Variants in FMN1 observed in about 807,000 individuals in gnomAD.
The protein encoded by FMN1 is formin-1.
Under a neutral mutation model 132.4 loss-of-function variants are expected in FMN1, and 110 were observed. The ratio of observed to expected loss-of-function variants is 0.83; its 90% CI spans 0.71 to 0.97. FMN1 has a LOEUF of 0.97. FMN1 is among the 50% of genes least tolerant of loss of function. The pLI, the probability that FMN1 is intolerant of heterozygous loss-of-function variation, is 0.00. For synonymous variants in FMN1, 722 were observed against 651.7 expected (o/e 1.11, Z -1.64); for missense variants, 1,792 against 1,705.3 (o/e 1.05, Z -0.90).
intron 6 of FMN1, among the ~76,000 whole-genome samples, chr15:33,061,538 A>G (rs2037483575): frequency 6.6e-6 from 1 of 152,154 alleles, no homozygotes; most frequent in Non-Finnish European, 1.5e-5. Flanking sequence ...GTTACTAAAC[A>G]TTATCATTCC....
chr15:33,049,823 C>T lies in FMN1; in HGVS notation c.2161+15134G>A, dbSNP rs1026563844. On this transcript the variant is annotated intron_variant, in intron 6 of 20. Transcript: ENST00000616417. ...CTGTACTTCACTTATGTTTTCTGTA[C>T]GTCACTTTCCTTTTGCTGTCTATAA... 3.3e-5 allele frequency among the ~76,000 whole-genome samples: 5 copies of T among 152,164 alleles called. No homozygotes were observed. In the South Asian group the frequency reaches 6.2e-4, roughly 19 times the overall value.
At chr15:32,834,036 C>T (rs1379363812) in intron 17 of FMN1, among the ~76,000 whole-genome samples, 1 of 152,170 alleles carries the variant, frequency 6.6e-6, no homozygotes, top group Non-Finnish European at 1.5e-5. Context: ...TTCTCAGAAC[C>T]TCCTGGCATT....
At chr15:32,953,372 C>T (rs986610878) in intron 9 of FMN1, among the ~76,000 whole-genome samples, 34 of 152,292 alleles carry the variant, frequency 2.2e-4, no homozygotes, top group African/African-American at 7.9e-4. Flanking sequence ...CACAGGAAGC[C>T]TCCTGGGCTG....
At chr15:33,078,114 T>C (rs2038295529) in intron 5 of FMN1, among the ~76,000 whole-genome samples, 1 of 152,238 alleles carries the variant, frequency 6.6e-6, no homozygotes. Context: ...GAGATATTAC[T>C]AGTCACACAC....
At chr15:32,894,117 A>ATT (rs1003710814) in intron 15 of FMN1, among the ~76,000 whole-genome samples, 4 of 152,168 alleles carry the variant, frequency 2.6e-5, no homozygotes, top group Non-Finnish European at 5.9e-5. Context: ...GATGCCACTT[A>ATT]TTACACGTTT....
At chr15:33,172,094 G>T (rs1965346432) in intron 3 of FMN1, among the ~76,000 whole-genome samples, 2 of 152,040 alleles carry the variant, frequency 1.3e-5, no homozygotes, top group African/African-American at 4.8e-5. Flanking sequence ...TGTGGTCCCA[G>T]CTACTCCGGA....
In FMN1 at chr15:32,766,734, T is replaced by A. The variant is rs1567132214; in HGVS notation, c.*7576A>T. On this transcript the variant is annotated 3_prime_UTR_variant, in exon 21 of 21. Transcript: ENST00000616417. Reference sequence around the variant, plus strand: ...CGGCTGAGGAACGGAGCACAGGGTGTGAGAGGATGGAGGAGGGGCCAAGGG... The same window carrying A: ...CGGCTGAGGAACGGAGCACAGGGTGAGAGAGGATGGAGGAGGGGCCAAGGG... 2 of 151,558 alleles carry A rather than the reference T, an allele frequency of 1.3e-5. No homozygotes were observed. The highest frequency in any genetic ancestry group is 4.9e-5 in the African/African-American group (2 of 41,204). The allele number at this position is 151,558 out of a possible 1,614,324, so 9.4% of individuals were successfully genotyped here.
At chr15:32,918,411 A>C (rs1337381936) in intron 10 of FMN1, among the ~76,000 whole-genome samples, 1 of 152,200 alleles carries the variant, frequency 6.6e-6, no homozygotes, top group Non-Finnish European at 1.5e-5. Context: ...AGTAAGAGAC[A>C]AGTATAAAAC....
At chr15:32,885,642 G>A (rs1302871553) in intron 16 of FMN1, among the ~76,000 whole-genome samples, 1 of 152,134 alleles carries the variant, frequency 6.6e-6, no homozygotes, top group Non-Finnish European at 1.5e-5. Flanking sequence ...AGTTGCAGTT[G>A]ATACTATTAT....
Position 33,061,037 on chromosome 15 carries a change from G to C in FMN1, c.2161+3920C>G, listed in dbSNP as rs1036996555. On this transcript the variant is annotated intron_variant, in intron 6 of 20. Transcript: ENST00000616417. ...GCTTTCGGTTGAGTGTTCGGAACAG[G>C]TTCTCCCTCTGAACTTCCAAGTGCC... Among the ~76,000 whole-genome samples the C allele has an allele frequency of 2.6e-5, 4 of 152,212 alleles. No individual in the cohort carries two copies. The East Asian group carries it at 7.7e-4, about 29-fold the overall frequency.
intron 7 of FMN1, among the ~76,000 whole-genome samples, chr15:33,004,579 C>T (rs1156350211): frequency 7.2e-5 from 11 of 152,166 alleles, no homozygotes; most frequent in Non-Finnish European, 1.3e-4. Context: ...AACACTTTTA[C>T]ACTGTTGGTG....
chr15:32,969,263 A>G lies in FMN1; in HGVS notation c.2438T>C (p.Leu813Pro). 1 of 1,613,902 alleles carries G rather than the reference A, an allele frequency of 6.2e-7. No individual in the cohort carries two copies. The highest frequency in any genetic ancestry group is 1.7e-5 in the Admixed American group (1 of 60,008). The change falls in exon 8 of 21, where the codon CTC becomes CCC. Residue 813 changes from leucine to proline, a missense_variant. Leu to Pro is a moderately conservative substitution (Grantham distance 98). Transcript: ENST00000616417. The part of the protein sequence containing the change: ...VCVQTDRETF[L>P]KPCESESKTT... Reference sequence around the variant, plus strand: ...CTTGCTTTCACTTTCACAGGGCTTGAGGAAGGTCTCTCTGTCTGTCTGGAC... The same window carrying G: ...CTTGCTTTCACTTTCACAGGGCTTGGGGAAGGTCTCTCTGTCTGTCTGGAC...
chr15:32,777,626 T>C (rs996787048), intron 19 of FMN1, among the ~76,000 whole-genome samples: 1 of 140,422 alleles, frequency 7.1e-6, no homozygotes, highest in African/African-American at 2.7e-5. Context: ...AACACATTTA[T>C]ATATTACGTA....
At chr15:32,873,997 T>C (rs1018525374) in intron 16 of FMN1, among the ~76,000 whole-genome samples, 2 of 151,000 alleles carry the variant, frequency 1.3e-5, no homozygotes, top group African/African-American at 4.9e-5. Context: ...TTGGTTATGA[T>C]TCACAATTTT....
At chr15:33,079,990 CTT>C (rs2038385018) in intron 5 of FMN1, among the ~76,000 whole-genome samples, 1 of 152,156 alleles carries the variant, frequency 6.6e-6, no homozygotes, top group Non-Finnish European at 1.5e-5. Context: ...GTCTCTCATT[CTT>C]TTTCTCTTAC....
intron 6 of FMN1, among the ~76,000 whole-genome samples, chr15:33,014,959 C>T (rs1441046816): frequency 6.6e-6 from 1 of 152,200 alleles, no homozygotes; most frequent in Non-Finnish European, 1.5e-5. Flanking sequence ...TAGTTCTAAG[C>T]ACTTTACACA....
At position 32,765,941 on chromosome 15, in the gene FMN1, T is replaced by C. The variant is rs2056032035; in HGVS notation, c.*8369A>G. On this transcript the variant is annotated 3_prime_UTR_variant, in exon 21 of 21. Transcript: ENST00000616417. ...TGAGCATTTCTCAGCTTTGACAAAA[T>C]TAAATATGCAAACAAATTAGAAATA... is the stretch of plus-strand genomic sequence containing the variant. 6.9e-6 allele frequency: 1 copy of C among 144,564 alleles called. No homozygotes were observed. Among genetic ancestry groups the C allele is most frequent in the Non-Finnish European group, 1.6e-5 (1 of 63,788 alleles). 9.0% of individuals were successfully genotyped at this position (144,564 alleles called of 1,614,324 possible). A position where few individuals can be genotyped will look rare whatever the true frequency, so the allele number is the denominator to read the frequency against.
chr15:33,172,949 G>C (rs570709504), intron 3 of FMN1, among the ~76,000 whole-genome samples: 2 of 152,200 alleles, frequency 1.3e-5, no homozygotes, highest in African/African-American at 4.8e-5. Flanking sequence ...TGAGAGGGAG[G>C]CAACTGTTAG....
intron 15 of FMN1, among the ~76,000 whole-genome samples, chr15:32,896,663 T>C (rs1447614655): frequency 2.0e-5 from 3 of 152,196 alleles, no homozygotes; most frequent in African/African-American, 7.2e-5. Context: ...TCATGCAGTA[T>C]TTGCCCTTCT....
Sources: gnomAD v4.1 joint callset for allele counts (sites outside exome capture counted in the v4.1 genomes callset) on GRCh38, gnomAD v4.1.1 for gene constraint, MANE v1.5 for transcripts, NCBI Gene and HGNC (gene_info 2026-07-23, HGNC 2026-07-21) for gene names.